Variants in LY86 observed in about 807,000 individuals in gnomAD.
LY86 encodes MD-1, RP105-associated.
In LY86, 20 loss-of-function variants were observed where a neutral mutation model predicts 17.3. The observed-to-expected ratio is 1.15, with a 90% CI of 0.81 to 1.68. LY86 has a LOEUF of 1.68. LY86 is among the 40% of genes most tolerant of loss of function. The pLI is 0.00. For missense variants in LY86, 200 were observed against 191.9 expected (o/e 1.04, Z -0.25); for synonymous variants, 74 against 70.6 (o/e 1.05, Z -0.24).
intron 1 of LY86, among the ~76,000 whole-genome samples, chr6:6,611,986 T>C (rs1262020844): frequency 5.1e-5 from 3 of 59,274 alleles, no homozygotes; most frequent in African/African-American, 2.3e-4. Flanking sequence ...TCTACCCCCT[T>C]AACTGAGTAC....
At chr6:6,596,504 A>T (rs2113079574) in intron 1 of LY86, among the ~76,000 whole-genome samples, 1 of 152,384 alleles carries the variant, frequency 6.6e-6, no homozygotes, top group South Asian at 2.1e-4. Flanking sequence ...TCCCAGATTA[A>T]CAAGGATATA....
intron 3 of LY86, among the ~76,000 whole-genome samples, chr6:6,631,102 C>T (rs902607512): frequency 1.7e-4 from 26 of 151,840 alleles, no homozygotes; most frequent in South Asian, 2.1e-4. Context: ...TTACTGGCAG[C>T]GCTGCATTAT....
chr6:6,621,051 C>T (rs1025986399), intron 1 of LY86: 3 of 152,162 alleles, frequency 2.0e-5, no homozygotes, highest in African/African-American at 7.2e-5. Flanking sequence ...TGCTGTCCTC[C>T]CTTGGGTGGA....
intron 1 of LY86, among the ~76,000 whole-genome samples, chr6:6,605,021 A>G (rs1239498513): frequency 1.4e-5 from 2 of 142,676 alleles, no homozygotes; most frequent in Non-Finnish European, 3.1e-5. Context: ...TAGTAAGTAA[A>G]AGACTTTGGA....
chr6:6,636,801 A>T (rs1051357762), intron 3 of LY86, among the ~76,000 whole-genome samples: 2 of 151,806 alleles, frequency 1.3e-5, no homozygotes, highest in African/African-American at 4.8e-5. Flanking sequence ...GCTTGTAAAT[A>T]CCAGGCAGCT....
intron 1 of LY86, among the ~76,000 whole-genome samples, chr6:6,618,472 A>AGCTT (rs1761603894): frequency 6.6e-6 from 1 of 151,988 alleles, no homozygotes; most frequent in Non-Finnish European, 1.5e-5. Context: ...CTAGGGATCC[A>AGCTT]GAATTTTGAG....
At chr6:6,591,525 G>A (rs1049806848) in intron 1 of LY86, 2 of 153,764 alleles carry the variant, frequency 1.3e-5, no homozygotes, top group Non-Finnish European at 2.9e-5. Flanking sequence ...CTTAAAGACT[G>A]ATGAAAATAC....
At chr6:6,615,445 G>C (rs1761528934) in intron 1 of LY86, among the ~76,000 whole-genome samples, 1 of 152,202 alleles carries the variant, frequency 6.6e-6, no homozygotes, top group South Asian at 2.1e-4. Context: ...CTGAAGGCAG[G>C]CTGCGGTGGC....
At chr6:6,640,652 G>A (rs1762027497) in intron 3 of LY86, among the ~76,000 whole-genome samples, 1 of 151,816 alleles carries the variant, frequency 6.6e-6, no homozygotes, top group South Asian at 2.1e-4. Flanking sequence ...ATTTAAGGCT[G>A]TGGTGAGCTA....
intron 1 of LY86, among the ~76,000 whole-genome samples, chr6:6,606,424 A>G (rs984701527): frequency 6.6e-6 from 1 of 152,160 alleles, no homozygotes; most frequent in Non-Finnish European, 1.5e-5. Context: ...TGGATCCTGC[A>G]CCTGGGCGGC....
chr6:6,644,802 G>A (rs184119853), intron 3 of LY86, among the ~76,000 whole-genome samples: 17 of 152,278 alleles, frequency 1.1e-4, no homozygotes, highest in Admixed American at 8.5e-4. Flanking sequence ...TCTTTTTATA[G>A]TCCTGGAGTG....
intron 3 of LY86, among the ~76,000 whole-genome samples, chr6:6,645,957 T>C (rs999061837): frequency 1.3e-5 from 2 of 152,138 alleles, no homozygotes. Context: ...GGAAGGGGTC[T>C]CTTTGTCTCT....
At chr6:6,621,243 C>T (rs940646176) in intron 1 of LY86, 6 of 152,210 alleles carry the variant, frequency 3.9e-5, no homozygotes, top group Non-Finnish European at 7.3e-5. Context: ...ATTCCCAGAA[C>T]GCCAACTCTG....
At chr6:6,647,762 G>T (rs1222341329) in intron 3 of LY86, among the ~76,000 whole-genome samples, 2 of 152,144 alleles carry the variant, frequency 1.3e-5, no homozygotes, top group African/African-American at 4.8e-5. Context: ...AGGAGGTCCT[G>T]TCCTCTCCTC....
intron 3 of LY86, among the ~76,000 whole-genome samples, 160 bp downstream of exon 3, chr6:6,626,581 A>G (rs1032766515): frequency 1.3e-5 from 2 of 152,224 alleles, no homozygotes; most frequent in African/African-American, 4.8e-5. Context: ...AAAAATAACA[A>G]TAAGGCCCAT....
chr6:6,609,054 T>C (rs919646881), intron 1 of LY86, among the ~76,000 whole-genome samples: 63 of 152,332 alleles, frequency 4.1e-4, no homozygotes, highest in African/African-American at 1.5e-3. Flanking sequence ...TGTATTTTGC[T>C]GGCAGAGAGA....
intron 1 of LY86, among the ~76,000 whole-genome samples, chr6:6,604,850 T>C (rs77825766): frequency 0.01 from 1,249 of 120,226 alleles, 15 homozygotes; most frequent in South Asian, 0.03. Flanking sequence ...AAAAAAAAAA[T>C]GGTAAAAGTT....
chr6:6,632,931 C>T (rs1761914863), intron 3 of LY86, among the ~76,000 whole-genome samples: 1 of 152,194 alleles, frequency 6.6e-6, no homozygotes, highest in South Asian at 2.1e-4. Context: ...GAGACACCCA[C>T]AGCCCTGTCT....
intron 3 of LY86, among the ~76,000 whole-genome samples, chr6:6,639,626 C>T (rs1336879523): frequency 6.6e-6 from 1 of 152,160 alleles, no homozygotes; most frequent in Non-Finnish European, 1.5e-5. Flanking sequence ...CTTCCATCTC[C>T]ACCTGGCCTT....
Sources: gnomAD v4.1 joint callset for allele counts (sites outside exome capture counted in the v4.1 genomes callset) on GRCh38, gnomAD v4.1.1 for gene constraint, MANE v1.5 for transcripts, NCBI Gene and HGNC (gene_info 2026-07-23, HGNC 2026-07-21) for gene names.